The following AMBRA1 variants were observed in gnomAD, a reference collection of about 807,000 sequenced individuals.
The protein encoded by AMBRA1 is autophagy and beclin 1 regulator 1.
Under a neutral mutation model 125.4 loss-of-function variants are expected in AMBRA1, and 47 were observed. The ratio of observed to expected loss-of-function variants is 0.37; its 90% CI spans 0.30 to 0.48. AMBRA1 has a LOEUF of 0.48. Among genes scored for constraint, AMBRA1 ranks in the 20% least tolerant of loss-of-function variants. The pLI is 0.99. For missense variants in AMBRA1, 1,331 were observed against 1,693.4 expected, an observed-to-expected ratio of 0.79 and a Z score of 3.76; for synonymous variants, 626 against 655.5, an observed-to-expected ratio of 0.95 and a Z score of 0.69.
chr11:46,469,967 T>C lies in AMBRA1; in HGVS notation c.2521+23641A>G, dbSNP rs1949510593. ...TGCTGGCATTACAGGAATGAGCCAC[T>C]GTGCCCAGCCTATTTCATTTTAAAA... is the stretch of plus-strand genomic sequence containing the variant. On this transcript the variant is annotated intron_variant, in intron 11 of 17. Transcript: ENST00000683756. 2.0e-5 allele frequency among the ~76,000 whole-genome samples: 3 copies of C among 151,988 alleles called. No individual in the cohort carries two copies. The South Asian group carries it at 6.2e-4, about 31-fold the overall frequency.
intron 7 of AMBRA1, among the ~76,000 whole-genome samples, chr11:46,541,099 T>C (rs1952714964): frequency 1.3e-5 from 2 of 152,074 alleles, no homozygotes; most frequent in Admixed American, 6.5e-5. Context: ...ATTCTTGGAG[T>C]TGGTGATTAT....
At position 46,593,895 on chromosome 11, in the gene AMBRA1, G is replaced by C. The variant is rs1170513959; in HGVS notation, c.-188C>G. The C allele has an allele frequency of 5.0e-6, 2 of 398,400 alleles. No individual in the cohort carries two copies. Among genetic ancestry groups the C allele is most frequent in the African/African-American group, 4.1e-5 (2 of 48,642 alleles). 24.7% of individuals were successfully genotyped at this position (398,400 alleles called of 1,614,324 possible). The stretch of plus-strand genomic sequence containing the variant: ...GCTGAGCCACAGGGAAAAAGAAAGA[G>C]GAGACAGGAATAAAGGAAGGGGTCC... On this transcript the variant is annotated 5_prime_UTR_variant, in exon 1 of 18. Coordinates refer to ENST00000683756, the MANE Select transcript of AMBRA1 (RefSeq NM_001387011.1).
chr11:46,478,887 T>C (rs549349065), intron 11 of AMBRA1, among the ~76,000 whole-genome samples: 36 of 152,254 alleles, frequency 2.4e-4, no homozygotes, highest in African/African-American at 8.7e-4. Flanking sequence ...CCTCAGTATA[T>C]GTAAGGACAC....
intron 1 of AMBRA1, among the ~76,000 whole-genome samples, chr11:46,557,300 C>CAAAA (rs540969219): frequency 1.6e-3 from 78 of 48,632 alleles, no homozygotes; most frequent in Non-Finnish European, 2.8e-3. Context: ...GACTCCATCT[C>CAAAA]AAAAAAAAAA....
Position 46,494,131 on chromosome 11 carries a change from C to T in AMBRA1, c.2413G>A (p.Val805Ile), listed in dbSNP as rs762390386. 2 of 1,606,270 alleles carry T rather than the reference C, an allele frequency of 1.2e-6. No homozygotes were observed. The highest frequency in any genetic ancestry group is 3.4e-5 in the Admixed American group (2 of 59,258). The change falls in exon 10 of 18, where the codon GTC becomes ATC. Residue 805 changes from valine (V) to isoleucine (I), a missense_variant. This residue lies in a region of AMBRA1 where 354 missense variants were observed against 532.7 expected (regional missense o/e 0.66). Transcript: ENST00000683756. ...TAGCAACTCGGTTCTTACCTTGGGA[C>T]AAAGCGTCCAAGCGAAGGTGCAGAC... ...RMSAPSLGRF[V>I]PRRFLLPEYL...
intron 11 of AMBRA1, among the ~76,000 whole-genome samples, chr11:46,488,413 A>G (rs1167202757): frequency 6.6e-6 from 1 of 152,026 alleles, no homozygotes; most frequent in African/African-American, 2.4e-5. Context: ...CTGAGATTGC[A>G]TCACTGGGCA....
intron 9 of AMBRA1, among the ~76,000 whole-genome samples, chr11:46,498,801 C>G (rs568792398): frequency 7.9e-5 from 12 of 152,324 alleles, no homozygotes; most frequent in African/African-American, 2.4e-4. Context: ...GTCCTCTTGA[C>G]AGTATACAGT....
intron 7 of AMBRA1, among the ~76,000 whole-genome samples, chr11:46,529,387 A>T (rs945517132): frequency 1.3e-5 from 2 of 152,176 alleles, no homozygotes; most frequent in Non-Finnish European, 2.9e-5. Context: ...GGCTGTCAGC[A>T]TGTCAGCCTA....
At position 46,397,842 on chromosome 11, in the gene AMBRA1, T is replaced by C; in HGVS notation, c.3505A>G (p.Ser1169Gly). 1 of 1,602,622 alleles carries C rather than the reference T, an allele frequency of 6.2e-7. No homozygotes were observed. ...CCGCCCATGGAGGCCATGGTGGTGCTCTGCTCCCGCTGCACCACGGCTGTC... is the reference window on the plus strand; with the variant it reads ...CCGCCCATGGAGGCCATGGTGGTGCCCTGCTCCCGCTGCACCACGGCTGTC... ...GMTAVVQREQ[S>G]TTMASMGGFG... Residue 1169 changes from serine to glycine, a missense_variant, in exon 18 of 18, where the codon AGC becomes GGC. By Grantham distance (56) the Ser-to-Gly change is moderately conservative. Transcript: ENST00000683756.
intron 4 of AMBRA1, among the ~76,000 whole-genome samples, chr11:46,546,747 A>C (rs973695139): frequency 2.6e-5 from 4 of 152,188 alleles, no homozygotes; most frequent in Admixed American, 1.3e-4. Flanking sequence ...AGAATTAAAA[A>C]ACCAATGGTA....
intron 14 of AMBRA1, among the ~76,000 whole-genome samples, chr11:46,432,043 A>G (rs931402): frequency 6.6e-6 from 1 of 151,304 alleles, no homozygotes; most frequent in African/African-American, 2.4e-5. Context: ...TTATTTATTT[A>G]TTTTTTTTTG....
At chr11:46,419,995 T>TATACACACACACACACACACACAC (rs1554969494) in intron 14 of AMBRA1, among the ~76,000 whole-genome samples, 2 of 129,018 alleles carry the variant, frequency 1.6e-5, no homozygotes, top group Non-Finnish European at 3.2e-5. Context: ...GTGTCCTCAA[T>TATACACACACACACACACACACAC]ACACACACAC....
intron 1 of AMBRA1, among the ~76,000 whole-genome samples, chr11:46,590,540 A>C (rs75680994): frequency 0.037 from 5,683 of 152,200 alleles, 371 homozygotes; most frequent in African/African-American, 0.13. Context: ...ATACAAAACT[A>C]ATCTTTTTCA....
intron 11 of AMBRA1, among the ~76,000 whole-genome samples, chr11:46,466,160 G>A (rs1260350094): frequency 1.3e-5 from 2 of 152,208 alleles, no homozygotes; most frequent in Non-Finnish European, 2.9e-5. Context: ...CTACAATCCA[G>A]TTGGGAAGAT....
chr11:46,399,506 A>G (rs1225227684), intron 17 of AMBRA1, among the ~76,000 whole-genome samples: 1 of 152,090 alleles, frequency 6.6e-6, no homozygotes, highest in Non-Finnish European at 1.5e-5. Flanking sequence ...AGCTGGGATT[A>G]CAGGCTCCCA....
intron 8 of AMBRA1, among the ~76,000 whole-genome samples, chr11:46,509,529 GA>G (rs1273578899): frequency 5.9e-5 from 9 of 152,078 alleles, no homozygotes; most frequent in African/African-American, 2.2e-4. Context: ...CAGCATTAGT[GA>G]AAAACTGGGA....
intron 11 of AMBRA1, among the ~76,000 whole-genome samples, chr11:46,481,895 G>A (rs1182415137): frequency 6.6e-6 from 1 of 152,230 alleles, no homozygotes; most frequent in African/African-American, 2.4e-5. Flanking sequence ...TGCTGCTGGT[G>A]ATTAATATGT....
At chr11:46,559,808 C>T (rs373583556) in intron 1 of AMBRA1, among the ~76,000 whole-genome samples, 5 of 152,140 alleles carry the variant, frequency 3.3e-5, no homozygotes, top group African/African-American at 7.2e-5. Context: ...ATCATATCCT[C>T]GCTGAATTTC....
Position 46,583,663 on chromosome 11 carries a change from A to AAC in AMBRA1, c.-121+10164_-121+10165insGT, listed in dbSNP as rs2044259613. On this transcript the variant is annotated intron_variant, in intron 1 of 17. Transcript: ENST00000683756. ...CTCAAACAAATTTCCAAAAAAAAAA[A>AAC]AAAAAAAAAAAAAAAACAACAAAAC... Among the ~76,000 whole-genome samples the AAC allele has an allele frequency of 1.5e-5, 2 of 132,366 alleles. 1 individual carries two copies. The highest frequency in any genetic ancestry group is 3.9e-4 in the East Asian group (2 of 5,144). The allele number at this position is 132,366 out of a possible 152,430, so 86.8% of individuals were successfully genotyped here.
Sources: gnomAD v4.1 joint callset for allele counts (sites outside exome capture counted in the v4.1 genomes callset) on GRCh38, gnomAD v4.1.1 for gene constraint, gnomAD v4.1.1 regional missense constraint, MANE v1.5 for transcripts, NCBI Gene and HGNC (gene_info 2026-07-23, HGNC 2026-07-21) for gene names.